The following TLN2 variants were observed in gnomAD, a reference collection of about 807,000 sequenced individuals.
The protein encoded by TLN2 is talin 2, also known as talin-2.
In TLN2, 118 loss-of-function variants were observed where a neutral mutation model predicts 294.7. That is an observed-to-expected ratio of 0.40 (90% confidence interval 0.34 to 0.47). TLN2 has a LOEUF of 0.47. Among genes scored for constraint, TLN2 ranks in the 20% least tolerant of loss-of-function variants. TLN2 has a pLI of 0.84. For missense variants in TLN2, 3,083 were observed against 3,282.2 expected (o/e 0.94, Z 1.48); for synonymous variants, 1,431 against 1,304.5 (o/e 1.10, Z -2.09).
chr15:62,416,161 T>G (rs1770376195), intron 1 of TLN2, among the ~76,000 whole-genome samples: 1 of 152,030 alleles, frequency 6.6e-6, no homozygotes, highest in African/African-American at 2.4e-5. Flanking sequence ...CAGCCAGGCA[T>G]GGTGGCACAT....
At chr15:62,617,103 C>T (rs765672501) in intron 2 of TLN2, among the ~76,000 whole-genome samples, 2 of 152,074 alleles carry the variant, frequency 1.3e-5, no homozygotes, top group East Asian at 1.9e-4. Context: ...TCATGGAGCT[C>T]GGATTGTTTG....
chr15:62,673,089 T>TGTGTGTGG (rs2055642117), intron 9 of TLN2, among the ~76,000 whole-genome samples: 1 of 151,642 alleles, frequency 6.6e-6, no homozygotes, highest in African/African-American at 2.4e-5. Context: ...TGTGTGTGTG[T>TGTGTGTGG]GTGTGTGTGT....
At chr15:62,413,280 C>T (rs2033879202) in intron 1 of TLN2, among the ~76,000 whole-genome samples, 1 of 152,120 alleles carries the variant, frequency 6.6e-6, no homozygotes, top group Non-Finnish European at 1.5e-5. Context: ...TGATCAGAAT[C>T]CAGGGATCTT....
At chr15:62,720,271 C>T (rs549225063) in intron 25 of TLN2, among the ~76,000 whole-genome samples, 1 of 152,120 alleles carries the variant, frequency 6.6e-6, no homozygotes, top group African/African-American at 2.4e-5. Flanking sequence ...ATGTTAAGTG[C>T]GTCTTCTCCA....
intron 1 of TLN2, among the ~76,000 whole-genome samples, chr15:62,485,960 T>G (rs2038367145): frequency 6.6e-6 from 1 of 151,894 alleles, no homozygotes; most frequent in South Asian, 2.1e-4. Flanking sequence ...ATCGAGTGTT[T>G]TGAGCGTGTT....
At chr15:62,546,186 G>A (rs930906378) in intron 1 of TLN2, among the ~76,000 whole-genome samples, 1 of 152,130 alleles carries the variant, frequency 6.6e-6, no homozygotes, top group Admixed American at 6.5e-5. Context: ...TACCTCTGAC[G>A]GGGGCTCTTT....
At chr15:62,787,845 T>C (rs535595464) in intron 45 of TLN2, among the ~76,000 whole-genome samples, 3 of 150,530 alleles carry the variant, frequency 2.0e-5, no homozygotes, top group African/African-American at 7.3e-5. Flanking sequence ...GCACCCACCA[T>C]CATGCCAGGC....
intron 1 of TLN2, among the ~76,000 whole-genome samples, chr15:62,481,436 C>T (rs1201563800): frequency 1.3e-5 from 2 of 152,204 alleles, no homozygotes; most frequent in Non-Finnish European, 2.9e-5. Context: ...TCACCCAGCT[C>T]ACTGCAGTCG....
At chr15:62,752,205 A>C in intron 34 of TLN2, 100 bp from the exon 35 acceptor site, 1 of 1,455,420 alleles carries the variant, frequency 6.9e-7, no homozygotes, top group South Asian at 1.4e-5. Flanking sequence ...AATGTTCCAA[A>C]TTAAGTTGCC....
intron 1 of TLN2, among the ~76,000 whole-genome samples, chr15:62,463,701 C>G (rs564406177): frequency 6.6e-6 from 1 of 152,096 alleles, no homozygotes; most frequent in African/African-American, 2.4e-5. Flanking sequence ...CTGGCTAACA[C>G]GGTGAAACCC....
chr15:62,431,025 G>A (rs1375642176), intron 1 of TLN2, among the ~76,000 whole-genome samples: 1 of 152,044 alleles, frequency 6.6e-6, no homozygotes, highest in Non-Finnish European at 1.5e-5. Context: ...CTGAGAGACT[G>A]ATACCTTGCT....
chr15:62,717,524 A>G lies in TLN2; in HGVS notation c.2764-52A>G, dbSNP rs578053536. ...CTGTGGTGGAAGTGACCTGTAGAAC[A>G]TGCATGTATATTGCATATGCAGATC... is the stretch of plus-strand genomic sequence containing the variant. On this transcript the variant is annotated intron_variant, in intron 23 of 58. Transcript: ENST00000636159. 5.6e-5 allele frequency: 70 copies of G among 1,258,906 alleles called. No individual in the cohort carries two copies. The Admixed American group carries it at 7.7e-4, about 14-fold the overall frequency. The allele number at this position is 1,258,906 out of a possible 1,614,324, so 78.0% of individuals were successfully genotyped here. A position where few individuals can be genotyped will look rare whatever the true frequency, so the allele number is the denominator to read the frequency against.
chr15:62,841,018 C>T lies in TLN2; in HGVS notation c.*408C>T, dbSNP rs1393837302. 6.4e-6 allele frequency: 1 copy of T among 155,388 alleles called. No individual in the cohort carries two copies. Among genetic ancestry groups the T allele is most frequent in the East Asian group, 1.9e-4 (1 of 5,330 alleles). 9.6% of individuals were successfully genotyped at this position (155,388 alleles called of 1,614,324 possible). A position where few individuals can be genotyped will look rare whatever the true frequency, so the allele number is the denominator to read the frequency against. ...AAAATCATTGACGTCATAGAATATTCTTCTTCCTCTCAGGAGAAGACGGAA... is the reference window on the plus strand; with the variant it reads ...AAAATCATTGACGTCATAGAATATTTTTCTTCCTCTCAGGAGAAGACGGAA... On this transcript the variant is annotated 3_prime_UTR_variant, in exon 59 of 59. Transcript: ENST00000636159.
rs546392408 is a variant in TLN2, at chr15:62,782,925, C to A, written c.5617-846C>A. ...AGGAGGGGAGCCCCTTGATGAGGGACAGTGACACCCGTCTGGGTGGCAGAT... is the reference window on the plus strand; with the variant it reads ...AGGAGGGGAGCCCCTTGATGAGGGAAAGTGACACCCGTCTGGGTGGCAGAT... On this transcript the variant is annotated intron_variant, in intron 44 of 58. Transcript: ENST00000636159. Among the ~76,000 whole-genome samples, 13 of 152,334 alleles carry A rather than the reference C, an allele frequency of 8.5e-5. No homozygotes were observed. In the South Asian group the frequency reaches 2.7e-3, roughly 32 times the overall value.
intron 52 of TLN2, among the ~76,000 whole-genome samples, chr15:62,810,550 G>A (rs1004455889): frequency 2.6e-5 from 4 of 152,094 alleles, no homozygotes; most frequent in South Asian, 4.2e-4. Context: ...AGCCTAGTGT[G>A]CCTAGTGTGG....
chr15:62,686,545 G>C (rs548053856), intron 11 of TLN2, 96 bp from the exon 12 acceptor site: 11 of 1,405,344 alleles, frequency 7.8e-6, no homozygotes, highest in Non-Finnish European at 8.6e-6. Flanking sequence ...TTGAAAGACA[G>C]TGTATGCAGG....
chr15:62,541,776 A>G (rs1026504939), intron 1 of TLN2, among the ~76,000 whole-genome samples: 1 of 152,064 alleles, frequency 6.6e-6, no homozygotes, highest in Non-Finnish European at 1.5e-5. Context: ...TACAACAGTA[A>G]AGTATGTGAA....
chr15:62,523,093 CCTTAAATATG>C (rs1464547197), intron 1 of TLN2, among the ~76,000 whole-genome samples: 1 of 152,074 alleles, frequency 6.6e-6, no homozygotes, highest in African/African-American at 2.4e-5. Context: ...CTCTTGCCTG[CCTTAAATATG>C]CTTAAATATG....
At chr15:62,583,101 T>C (rs1396865932) in intron 1 of TLN2, among the ~76,000 whole-genome samples, 1 of 152,200 alleles carries the variant, frequency 6.6e-6, no homozygotes, top group Non-Finnish European at 1.5e-5. Flanking sequence ...ACATTTAAGT[T>C]TGTAATTGTC....
Sources: allele counts gnomAD v4.1 joint callset (sites outside exome capture counted in the v4.1 genomes callset), GRCh38; gene constraint gnomAD v4.1.1; transcripts MANE v1.5; gene names NCBI Gene and HGNC (gene_info 2026-07-23, HGNC 2026-07-21).